Variants in GALNT10 observed in about 807,000 individuals in gnomAD.
The protein encoded by GALNT10 is GalNAc transferase 10.
GALNT10 carries 41 observed loss-of-function variants against 75.0 expected under a neutral mutation model. The ratio of observed to expected loss-of-function variants is 0.55; its 90% confidence interval spans 0.43 to 0.71. GALNT10 has a LOEUF of 0.71. Ranked by LOEUF, GALNT10 falls within the 30% of genes least tolerant of loss-of-function variation. The pLI, the probability that GALNT10 is intolerant of heterozygous loss-of-function variation, is 0.00. For synonymous variants in GALNT10, 302 were observed against 313.0 expected (o/e 0.96, Z 0.37); for missense variants, 727 against 818.5 (o/e 0.89, Z 1.36).
At chr5:154,199,896 C>T (rs1774999939) in intron 1 of GALNT10, among the ~76,000 whole-genome samples, 1 of 152,214 alleles carries the variant, frequency 6.6e-6, no homozygotes, top group East Asian at 1.9e-4. Flanking sequence ...AAAGTCATCA[C>T]TACTTCCTAG....
intron 4 of GALNT10, among the ~76,000 whole-genome samples, chr5:154,375,472 A>C (rs985453788): frequency 3.9e-5 from 6 of 152,238 alleles, no homozygotes; most frequent in Admixed American, 6.5e-5. Flanking sequence ...CTTGGGGCAG[A>C]AATCCAGCCC....
At chr5:154,355,136 A>C (rs566570372) in intron 4 of GALNT10, among the ~76,000 whole-genome samples, 5 of 152,250 alleles carry the variant, frequency 3.3e-5, no homozygotes, top group African/African-American at 1.2e-4. Context: ...TGAGGGGTGG[A>C]TGCTGCTGCA....
chr5:154,294,358 A>G (rs946164336), intron 1 of GALNT10, among the ~76,000 whole-genome samples: 1 of 152,216 alleles, frequency 6.6e-6, no homozygotes, highest in Non-Finnish European at 1.5e-5. Context: ...CCTAAAAAAA[A>G]GAATGTAAAA....
At chr5:154,317,035 T>C (rs1754603405) in intron 3 of GALNT10, among the ~76,000 whole-genome samples, 1 of 152,210 alleles carries the variant, frequency 6.6e-6, no homozygotes, top group Admixed American at 6.5e-5. Flanking sequence ...TTGGTTCTCA[T>C]GACATTCTCA....
intron 4 of GALNT10, among the ~76,000 whole-genome samples, chr5:154,332,671 A>G (rs1348213438): frequency 6.6e-6 from 1 of 152,162 alleles, no homozygotes; most frequent in African/African-American, 2.4e-5. Context: ...GAGGGAGGAA[A>G]TGTATGGCAG....
rs1774886973 is a variant in GALNT10 at position 154,193,239 on chromosome 5, T to G, written c.159+2214T>G. Among the ~76,000 whole-genome samples the G allele has an allele frequency of 2.0e-5, 3 of 152,182 alleles. No individual in the cohort carries two copies. The South Asian group carries it at 6.2e-4, about 31-fold the overall frequency. On this transcript the variant is annotated intron_variant, in intron 1 of 11. Transcript: ENST00000297107. Reference sequence around the variant, plus strand: ...ATGGGAGCAGCAGAATGGAGCTGTTTCCCCAATGATAAGCTCTTCTAGGTG... The same window carrying G: ...ATGGGAGCAGCAGAATGGAGCTGTTGCCCCAATGATAAGCTCTTCTAGGTG...
At chr5:154,328,294 G>A (rs1754787891) in intron 3 of GALNT10, among the ~76,000 whole-genome samples, 1 of 152,136 alleles carries the variant, frequency 6.6e-6, no homozygotes, top group African/African-American at 2.4e-5. Context: ...TATGAAAGAC[G>A]CACAAGGGGC....
chr5:154,200,955 T>C (rs565202729), intron 1 of GALNT10, among the ~76,000 whole-genome samples: 33 of 152,178 alleles, frequency 2.2e-4, no homozygotes, highest in Non-Finnish European at 7.4e-5. Flanking sequence ...TTTAAAACAA[T>C]TCTATACTAA....
rs992124295 is a variant in GALNT10, at chr5:154,393,325, C to G, written c.1056+6895C>G. ...CTGGCCTCAAGCAGTCTTCCTGCCT[C>G]GGGCTCCCAACATGCTGGCATTACA... is the stretch of plus-strand genomic sequence containing the variant. On this transcript the variant is annotated intron_variant, in intron 7 of 11. Transcript: ENST00000297107. 4.6e-5 allele frequency among the ~76,000 whole-genome samples: 7 copies of G among 152,218 alleles called. No homozygotes were observed. The South Asian group carries it at 1.0e-3, about 23-fold the overall frequency.
At chr5:154,279,997 G>C (rs1397220723) in intron 1 of GALNT10, among the ~76,000 whole-genome samples, 1 of 152,066 alleles carries the variant, frequency 6.6e-6, no homozygotes. Flanking sequence ...AGCAAGATAA[G>C]GAATCCACCT....
chr5:154,420,600 A>G lies in GALNT10; in HGVS notation c.*3628A>G, dbSNP rs1283710294. 1 of 152,324 alleles carries G rather than the reference A, an allele frequency of 6.6e-6. No individual in the cohort carries two copies. The highest frequency in any genetic ancestry group is 2.4e-5 in the African/African-American group (1 of 41,572). 9.4% of individuals were successfully genotyped at this position (152,324 alleles called of 1,614,324 possible). A position where few individuals can be genotyped will look rare whatever the true frequency, so the allele number is the denominator to read the frequency against. ...TGGAATTCCTTATTGCTTTCAACGG[A>G]CACTCTTTGTGAAAAATCCAAGTAA... On this transcript the variant is annotated 3_prime_UTR_variant, in exon 12 of 12. Transcript: ENST00000297107.
chr5:154,193,327 C>G (rs1774889999), intron 1 of GALNT10, among the ~76,000 whole-genome samples: 1 of 152,198 alleles, frequency 6.6e-6, no homozygotes, highest in Non-Finnish European at 1.5e-5. Context: ...CCACACAGCC[C>G]CTTTTTGTTT....
intron 1 of GALNT10, among the ~76,000 whole-genome samples, chr5:154,195,301 T>G (rs1005381147): frequency 1.3e-5 from 2 of 152,194 alleles, no homozygotes; most frequent in African/African-American, 4.8e-5. Flanking sequence ...TTTACATATA[T>G]CTGACCCTCT....
At chr5:154,251,040 C>T (rs913111717) in intron 1 of GALNT10, among the ~76,000 whole-genome samples, 5 of 152,112 alleles carry the variant, frequency 3.3e-5, no homozygotes, top group African/African-American at 4.8e-5. Flanking sequence ...CTTTTTTAGA[C>T]AATCTTTTTA....
At chr5:154,373,172 A>G (rs1007534222) in intron 4 of GALNT10, among the ~76,000 whole-genome samples, 2 of 152,160 alleles carry the variant, frequency 1.3e-5, no homozygotes, top group African/African-American at 4.8e-5. Flanking sequence ...TTCCAAACCC[A>G]TCAGTGTAGG....
chr5:154,275,502 C>G (rs1480901724), intron 1 of GALNT10, among the ~76,000 whole-genome samples: 6 of 152,220 alleles, frequency 3.9e-5, no homozygotes. Flanking sequence ...TGGTGCTTAA[C>G]AAATTGCCCC....
chr5:154,307,338 G>A (rs1050318123), intron 3 of GALNT10, among the ~76,000 whole-genome samples: 2 of 152,174 alleles, frequency 1.3e-5, no homozygotes, highest in Admixed American at 6.5e-5. Flanking sequence ...GGCCGGGTGT[G>A]GTGGTTCACG....
intron 4 of GALNT10, among the ~76,000 whole-genome samples, chr5:154,358,818 C>T (rs1192003772): frequency 6.6e-6 from 1 of 152,186 alleles, no homozygotes; most frequent in African/African-American, 2.4e-5. Context: ...GGCTAGTCCT[C>T]ATCCTAACTG....
At chr5:154,297,259 C>A (rs1185549120) in intron 2 of GALNT10, among the ~76,000 whole-genome samples, 2 of 152,152 alleles carry the variant, frequency 1.3e-5, no homozygotes, top group Non-Finnish European at 2.9e-5. Flanking sequence ...TGACTCAAAG[C>A]CACACTTTTC....
Sources: gnomAD v4.1 joint callset for allele counts (sites outside exome capture counted in the v4.1 genomes callset) on GRCh38, gnomAD v4.1.1 for gene constraint, MANE v1.5 for transcripts, NCBI Gene and HGNC (gene_info 2026-07-23, HGNC 2026-07-21) for gene names.